The following NT5DC1 variants were observed in gnomAD, a reference collection of about 807,000 sequenced individuals.
NT5DC1 encodes the protein 5'-nucleotidase domain-containing protein 1.
NT5DC1 carries 42 observed loss-of-function variants against 59.4 expected under a neutral mutation model. The observed-to-expected ratio is 0.71, with a 90% confidence interval of 0.55 to 0.92. The LOEUF (loss-of-function observed/expected upper bound fraction) is 0.92. NT5DC1 is among the 40% of genes least tolerant of loss of function. The probability of loss-of-function intolerance (pLI) is 0.00; values close to 1 mark genes in which losing one functional copy is unlikely to be tolerated. For synonymous variants in NT5DC1, 172 were observed against 188.1 expected (o/e 0.91, Z 0.70); for missense variants, 501 against 537.1 (o/e 0.93, Z 0.66).
intron 6 of NT5DC1, among the ~76,000 whole-genome samples, chr6:116,128,577 A>G (rs1397475528): frequency 6.6e-6 from 1 of 152,070 alleles, no homozygotes; most frequent in Non-Finnish European, 1.5e-5. Flanking sequence ...ACATCTGTGG[A>G]TCGTTAATTA....
intron 11 of NT5DC1, among the ~76,000 whole-genome samples, chr6:116,241,439 A>T (rs959122138): frequency 1.3e-5 from 2 of 152,218 alleles, no homozygotes; most frequent in Admixed American, 6.5e-5. Flanking sequence ...GGGCAGCAAA[A>T]ATTAACATGT....
At chr6:116,133,175 C>CA (rs1779511669) in intron 6 of NT5DC1, among the ~76,000 whole-genome samples, 1 of 152,096 alleles carries the variant, frequency 6.6e-6, no homozygotes, top group Non-Finnish European at 1.5e-5. Flanking sequence ...ACCTGCTTTC[C>CA]ATAGTAACCC....
At chr6:116,149,482 CTT>C (rs1381014658) in intron 6 of NT5DC1, among the ~76,000 whole-genome samples, 2 of 152,092 alleles carry the variant, frequency 1.3e-5, no homozygotes, top group Non-Finnish European at 2.9e-5. Flanking sequence ...TCAAAGGCTA[CTT>C]TAGTAGGATA....
intron 6 of NT5DC1, chr6:116,119,168 C>G (rs901216496): frequency 6.6e-6 from 1 of 152,624 alleles, no homozygotes; most frequent in Non-Finnish European, 1.5e-5. Context: ...ATCTCCACTT[C>G]TAGTCGAATT....
intron 6 of NT5DC1, among the ~76,000 whole-genome samples, chr6:116,205,700 G>A (rs185754395): frequency 6.7e-4 from 102 of 151,996 alleles, no homozygotes; most frequent in African/African-American, 2.4e-3. Flanking sequence ...TATTAAAAGG[G>A]TACATTTTAA....
chr6:116,191,717 GT>G (rs1226628103), intron 6 of NT5DC1, among the ~76,000 whole-genome samples: 10 of 151,970 alleles, frequency 6.6e-5, no homozygotes, highest in African/African-American at 2.4e-4. Flanking sequence ...TAATAATGTA[GT>G]TTATATAAGT....
chr6:116,215,298 A>T (rs1034104146), intron 6 of NT5DC1, among the ~76,000 whole-genome samples: 1 of 152,162 alleles, frequency 6.6e-6, no homozygotes, highest in African/African-American at 2.4e-5. Flanking sequence ...AACTAAATAA[A>T]TTGCAAAACA....
chr6:116,160,072 A>G (rs1413541017), intron 6 of NT5DC1, among the ~76,000 whole-genome samples: 1 of 152,160 alleles, frequency 6.6e-6, no homozygotes, highest in Non-Finnish European at 1.5e-5. Context: ...TGCTCAATAA[A>G]CATATAAGTA....
At chr6:116,139,699 A>G (rs1490715252) in intron 6 of NT5DC1, among the ~76,000 whole-genome samples, 1 of 152,148 alleles carries the variant, frequency 6.6e-6, no homozygotes, top group Non-Finnish European at 1.5e-5. Flanking sequence ...GTTATGAGCT[A>G]TGGTTCTTTA....
chr6:116,120,172 G>T (rs752542878), intron 6 of NT5DC1: 1 of 1,614,060 alleles, frequency 6.2e-7, no homozygotes, highest in Non-Finnish European at 8.5e-7. Context: ...GCCACACCTG[G>T]TCATTTTCTG....
intron 4 of NT5DC1, among the ~76,000 whole-genome samples, chr6:116,111,618 A>G (rs762214465): frequency 6.6e-6 from 1 of 152,190 alleles, no homozygotes; most frequent in Non-Finnish European, 1.5e-5. Flanking sequence ...TTTCTCCCAC[A>G]CTACAGTATT....
At chr6:116,182,807 T>G (rs894033450) in intron 6 of NT5DC1, among the ~76,000 whole-genome samples, 2 of 152,166 alleles carry the variant, frequency 1.3e-5, no homozygotes, top group African/African-American at 2.4e-5. Flanking sequence ...GATGTATAGA[T>G]TGTAAAGATT....
In NT5DC1 at chr6:116,208,134, A is replaced by G. The variant is rs148090937; in HGVS notation, c.530-12920A>G. On this transcript the variant is annotated intron_variant, in intron 6 of 11. Coordinates refer to ENST00000319550, the MANE Select transcript of NT5DC1 (RefSeq NM_152729.3). Reference sequence around the variant, plus strand: ...CCCTAATATCTAGCTTATGATTTCTATGTTCCTGTTATTTTTTCTGATCTC... The same window carrying G: ...CCCTAATATCTAGCTTATGATTTCTGTGTTCCTGTTATTTTTTCTGATCTC... 1.6e-3 allele frequency among the ~76,000 whole-genome samples: 242 copies of G among 152,058 alleles called. 1 individual carries two copies. Among genetic ancestry groups the G allele is most frequent in the South Asian group, 0.012 (56 of 4,822 alleles).
chr6:116,106,342 T>TA lies in NT5DC1; in HGVS notation c.185+7_185+8insA. ...CAGAGGATTGGGATTTCTGGTAAGTTCTTTTTTTTTTTTTTTTTTTAAGTC... is the reference window on the plus strand; with the variant it reads ...CAGAGGATTGGGATTTCTGGTAAGTTACTTTTTTTTTTTTTTTTTTTAAGTC... On this transcript the variant is annotated splice_region_variant and intron_variant, in intron 2 of 11. Coordinates refer to ENST00000319550, the MANE Select transcript of NT5DC1 (RefSeq NM_152729.3). 1.9e-5 allele frequency: 22 copies of TA among 1,133,044 alleles called. No individual in the cohort carries two copies. Among genetic ancestry groups the TA allele is most frequent in the African/African-American group, 3.6e-5 (2 of 55,800 alleles). The allele number at this position is 1,133,044 out of a possible 1,614,324, so 70.2% of individuals were successfully genotyped here.
chr6:116,132,322 A>C (rs1379927718), intron 6 of NT5DC1, among the ~76,000 whole-genome samples: 1 of 152,130 alleles, frequency 6.6e-6, no homozygotes, highest in Non-Finnish European at 1.5e-5. Context: ...CATTCTTCTT[A>C]CTGAAAGCAT....
intron 6 of NT5DC1, among the ~76,000 whole-genome samples, chr6:116,171,693 T>C (rs918230496): frequency 4.6e-5 from 7 of 152,218 alleles, no homozygotes. Flanking sequence ...TATTCTACTT[T>C]TGAATTTAAA....
intron 7 of NT5DC1, among the ~76,000 whole-genome samples, chr6:116,222,696 C>T (rs1418178325): frequency 2.0e-5 from 3 of 152,158 alleles, no homozygotes; most frequent in Admixed American, 2.0e-4. Flanking sequence ...TTCAGGCCCC[C>T]AAATTTGAAG....
intron 6 of NT5DC1, among the ~76,000 whole-genome samples, chr6:116,153,245 CTATTTA>C (rs1229789118): frequency 6.6e-6 from 1 of 151,828 alleles, no homozygotes; most frequent in African/African-American, 2.4e-5. Context: ...GATTTTAGCT[CTATTTA>C]TAAGATATGT....
intron 6 of NT5DC1, among the ~76,000 whole-genome samples, chr6:116,143,835 T>C (rs576248758): frequency 1.6e-4 from 24 of 152,328 alleles, no homozygotes; most frequent in Non-Finnish European, 2.8e-4. Context: ...CTGTCATTTA[T>C]TGCAACATTG....
Sources: allele counts gnomAD v4.1 joint callset (sites outside exome capture counted in the v4.1 genomes callset), GRCh38; gene constraint gnomAD v4.1.1; transcripts MANE v1.5; gene names NCBI Gene and HGNC (gene_info 2026-07-23, HGNC 2026-07-21).